GUCY1B1: variants seen among roughly 807,000 people sequenced by gnomAD.
GUCY1B1 encodes the protein guanylate cyclase 1 soluble subunit beta 1, also known as guanylate cyclase soluble subunit beta-1.
A neutral mutation model predicts 71.0 loss-of-function variants in GUCY1B1; 43 were observed. The ratio of observed to expected loss-of-function variants is 0.61; its 90% CI spans 0.47 to 0.78. The LOEUF (loss-of-function observed/expected upper bound fraction) is 0.78. Ranked by LOEUF, GUCY1B1 falls within the 30% of genes least tolerant of loss-of-function variation. GUCY1B1 has a pLI of 0.00. For missense variants in GUCY1B1, 535 were observed against 754.1 expected (o/e 0.71, Z 3.40); for synonymous variants, 266 against 259.7 (o/e 1.02, Z -0.23).
In GUCY1B1 at chr4:155,791,662, C is replaced by T. The variant is rs986011503; in HGVS notation, c.495+1751C>T. Among the ~76,000 whole-genome samples, 3 of 149,088 alleles carry T rather than the reference C, an allele frequency of 2.0e-5. No homozygotes were observed. In the South Asian group the frequency reaches 6.4e-4, roughly 32 times the overall value. ...AGAAGAATCGCTTGAACCCGGGAGGCACAGGTTGCAGTGAGCCGAAATTTC... is the reference window on the plus strand; with the variant it reads ...AGAAGAATCGCTTGAACCCGGGAGGTACAGGTTGCAGTGAGCCGAAATTTC... On this transcript the variant is annotated intron_variant, in intron 5 of 13. Transcript: ENST00000264424.
Position 155,803,605 on chromosome 4 carries a change from T to G in GUCY1B1, c.1414-19T>G. The G allele has an allele frequency of 2.1e-6, 3 of 1,459,050 alleles. No homozygotes were observed. The highest frequency in any genetic ancestry group is 1.8e-6 in the Non-Finnish European group (2 of 1,097,264). The allele number at this position is 1,459,050 out of a possible 1,614,324, so 90.4% of individuals were successfully genotyped here. Reference sequence around the variant, plus strand: ...CTTTTTTATGCTAACCGTGAACATCTAAATATATGTACTGTTAGGTGGAGA... The same window carrying G: ...CTTTTTTATGCTAACCGTGAACATCGAAATATATGTACTGTTAGGTGGAGA... On this transcript the variant is annotated intron_variant, in intron 10 of 13. Coordinates refer to ENST00000264424, the MANE Select transcript of GUCY1B1 (RefSeq NM_000857.5).
chr4:155,763,551 A>G (rs1029997090), intron 2 of GUCY1B1, among the ~76,000 whole-genome samples: 11 of 152,046 alleles, frequency 7.2e-5, no homozygotes, highest in African/African-American at 2.4e-4. Context: ...CCTTCAAAAA[A>G]AAAATTCTAG....
intron 4 of GUCY1B1, among the ~76,000 whole-genome samples, chr4:155,778,755 A>C (rs1738224278): frequency 6.6e-6 from 1 of 152,232 alleles, no homozygotes; most frequent in Non-Finnish European, 1.5e-5. Flanking sequence ...AACAGGCAGC[A>C]TTTAATGGGA....
chr4:155,769,886 T>A (rs768788230), intron 2 of GUCY1B1, among the ~76,000 whole-genome samples: 12 of 152,102 alleles, frequency 7.9e-5, no homozygotes, highest in Non-Finnish European at 1.6e-4. Context: ...ATAATAATAA[T>A]GTAACAATGT....
At chr4:155,770,826 G>A (rs148618222) in intron 2 of GUCY1B1, among the ~76,000 whole-genome samples, 2 of 152,194 alleles carry the variant, frequency 1.3e-5, no homozygotes, top group Admixed American at 6.5e-5. Context: ...ATCCTCATAT[G>A]TATACTGCAT....
chr4:155,791,754 A>AAT (rs1554012209), intron 5 of GUCY1B1, among the ~76,000 whole-genome samples: 6 of 139,556 alleles, frequency 4.3e-5, no homozygotes, highest in South Asian at 5.3e-4. Context: ...AAAAAAAAAA[A>AAT]AATAAAGCAA....
At chr4:155,767,022 A>C (rs1212344007) in intron 2 of GUCY1B1, among the ~76,000 whole-genome samples, 4 of 152,186 alleles carry the variant, frequency 2.6e-5, no homozygotes, top group Non-Finnish European at 2.9e-5. Flanking sequence ...TCATTTTGCA[A>C]ATGAGAGAAT....
chr4:155,769,107 T>A (rs889895474), intron 2 of GUCY1B1, among the ~76,000 whole-genome samples: 2 of 152,148 alleles, frequency 1.3e-5, no homozygotes, highest in Non-Finnish European at 2.9e-5. Flanking sequence ...AGAGGAAGTA[T>A]CAGGCATTAA....
intron 4 of GUCY1B1, among the ~76,000 whole-genome samples, chr4:155,788,776 A>G (rs1471933563): frequency 3.9e-5 from 6 of 152,180 alleles, no homozygotes; most frequent in Admixed American, 1.3e-4. Context: ...ATTTAAACCC[A>G]TGTCTACTTG....
At chr4:155,773,172 C>A (rs1194922244) in intron 2 of GUCY1B1, among the ~76,000 whole-genome samples, 1 of 152,186 alleles carries the variant, frequency 6.6e-6, no homozygotes, top group Non-Finnish European at 1.5e-5. Flanking sequence ...AGGTTGACAT[C>A]CAAGCTCCAT....
In GUCY1B1 at chr4:155,803,731, T is replaced by G; in HGVS notation, c.1521T>G (p.Ala507=). 6.2e-7 allele frequency: 1 copy of G among 1,600,206 alleles called. No individual in the cohort carries two copies. Among genetic ancestry groups the G allele is most frequent in the Middle Eastern group, 1.7e-4 (1 of 6,018 alleles). The change falls in exon 11 of 14, where the codon GCT becomes GCG. Residue 507 remains alanine, a synonymous_variant. Coordinates refer to ENST00000264424, the MANE Select transcript of GUCY1B1 (RefSeq NM_000857.5). ...TGGCCTTGGACATGATGGAAATTGC[T>G]GGCCAGGTTCAAGTAGATGGTGAAT... ...CHLALDMMEI[A]GQVQVDGESV...
chr4:155,768,960 C>T (rs947932657), intron 2 of GUCY1B1, among the ~76,000 whole-genome samples: 4 of 152,032 alleles, frequency 2.6e-5, no homozygotes, highest in African/African-American at 9.7e-5. Flanking sequence ...ACTAAGTGCA[C>T]CTTAATTATT....
chr4:155,792,279 T>G (rs1739234099), intron 5 of GUCY1B1, among the ~76,000 whole-genome samples: 1 of 152,142 alleles, frequency 6.6e-6, no homozygotes, highest in African/African-American at 2.4e-5. Flanking sequence ...GCTATTTGTT[T>G]TGCCAGTTTG....
At chr4:155,762,168 A>G (rs1737038215) in intron 2 of GUCY1B1, among the ~76,000 whole-genome samples, 1 of 152,154 alleles carries the variant, frequency 6.6e-6, no homozygotes, top group South Asian at 2.1e-4. Context: ...CTGCCTGGGG[A>G]GAGGGGAGGA....
Position 155,789,766 on chromosome 4 carries a change from C to T in GUCY1B1, c.350C>T (p.Ala117Val). The T allele has an allele frequency of 6.2e-7, 1 of 1,610,514 alleles. No homozygotes were observed. The highest frequency in any genetic ancestry group is 8.5e-7 in the Non-Finnish European group (1 of 1,176,890). Residue 117 changes from alanine (A) to valine (V), a missense_variant, in exon 5 of 14, where the codon GCA becomes GTA. Physicochemically the swap from Ala to Val is moderately conservative, Grantham distance 64 (BLOSUM62 0). Coordinates refer to ENST00000264424, the MANE Select transcript of GUCY1B1 (RefSeq NM_000857.5). ...HLATIYPGMR[A>V]PSFRCTDAEK... ...GCTACCATCTACCCAGGAATGCGTG[C>T]ACCTTCCTTTAGGTGCACTGATGCA...
intron 2 of GUCY1B1, among the ~76,000 whole-genome samples, chr4:155,762,487 CCAAA>C (rs1265976990): frequency 2.0e-5 from 3 of 152,054 alleles, no homozygotes; most frequent in African/African-American, 7.2e-5. Flanking sequence ...GGAAAAGATG[CCAAA>C]CATTTAATGA....
intron 2 of GUCY1B1, among the ~76,000 whole-genome samples, chr4:155,767,892 T>C (rs1309842123): frequency 6.6e-6 from 1 of 152,144 alleles, no homozygotes; most frequent in Middle Eastern, 3.2e-3. Flanking sequence ...TGGGAGATTT[T>C]AGTTTTAATA....
intron 2 of GUCY1B1, among the ~76,000 whole-genome samples, chr4:155,771,643 A>G (rs1737700035): frequency 1.3e-5 from 2 of 152,220 alleles, no homozygotes; most frequent in South Asian, 4.1e-4. Context: ...TAAAATGTTA[A>G]TAGCAAAATG....
chr4:155,762,655 A>C (rs556351085), intron 2 of GUCY1B1, among the ~76,000 whole-genome samples: 19 of 152,362 alleles, frequency 1.2e-4, no homozygotes, highest in African/African-American at 4.1e-4. Flanking sequence ...CTTAAGAAGA[A>C]GAAAAATTGT....
Sources: gnomAD v4.1 joint callset for allele counts (sites outside exome capture counted in the v4.1 genomes callset) on GRCh38, gnomAD v4.1.1 for gene constraint, MANE v1.5 for transcripts, NCBI Gene and HGNC (gene_info 2026-07-23, HGNC 2026-07-21) for gene names.